The following ARFGEF2 variants were observed in gnomAD, a reference collection of about 807,000 sequenced individuals.
ARFGEF2 encodes brefeldin A-inhibited guanine nucleotide-exchange protein 2.
Under a neutral mutation model 219.9 loss-of-function variants are expected in ARFGEF2, and 74 were observed. The ratio of observed to expected loss-of-function variants is 0.34; its 90% confidence interval spans 0.28 to 0.41. ARFGEF2 has a LOEUF of 0.41. Among genes scored for constraint, ARFGEF2 ranks in the 10% least tolerant of loss-of-function variants. ARFGEF2 has a pLI of 1.00. For synonymous variants in ARFGEF2, 733 were observed against 799.2 expected, an observed-to-expected ratio of 0.92 and a Z score of 1.40; for missense variants, 1,743 against 2,218.3, an observed-to-expected ratio of 0.79 and a Z score of 4.30.
At chr20:48,974,160 C>CT (rs2091246321) in intron 12 of ARFGEF2, among the ~76,000 whole-genome samples, 1 of 116,482 alleles carries the variant, frequency 8.6e-6, no homozygotes, top group African/African-American at 3.4e-5. Context: ...GAATCTCACT[C>CT]TGTCACCCAG....
At chr20:49,020,482 G>A (rs1237928217) in intron 34 of ARFGEF2, among the ~76,000 whole-genome samples, 1 of 152,134 alleles carries the variant, frequency 6.6e-6, no homozygotes, top group Non-Finnish European at 1.5e-5. Flanking sequence ...GACATACTCT[G>A]TCTCCCAAGC....
chr20:48,961,863 A>C (rs539974635), intron 6 of ARFGEF2, among the ~76,000 whole-genome samples: 176 of 144,242 alleles, frequency 1.2e-3, no homozygotes, highest in African/African-American at 4.2e-3. Flanking sequence ...GACTCTCTCA[A>C]AAAAAAAAAA....
chr20:49,022,915 G>A, intron 34 of ARFGEF2, 136 bp from the exon 35 acceptor site: 1 of 1,206,076 alleles, frequency 8.3e-7, no homozygotes, highest in Non-Finnish European at 1.2e-6. Flanking sequence ...AGGAGTTCAG[G>A]ACCAGCCTGG....
intron 14 of ARFGEF2, among the ~76,000 whole-genome samples, chr20:48,979,919 TA>T (rs1003720449): frequency 3.3e-5 from 5 of 151,622 alleles, no homozygotes; most frequent in Non-Finnish European, 1.5e-5. Flanking sequence ...TGATCTTTTT[TA>T]AAAAAACAGC....
intron 34 of ARFGEF2, 119 bp downstream of exon 34, chr20:49,019,117 G>A (rs1478278085): frequency 2.4e-6 from 2 of 818,998 alleles, no homozygotes; most frequent in Non-Finnish European, 4.0e-6. Flanking sequence ...CAGTCTGCCA[G>A]TTCTCTGTAG....
intron 1 of ARFGEF2, among the ~76,000 whole-genome samples, chr20:48,933,889 G>A (rs895889508): frequency 6.6e-6 from 1 of 152,074 alleles, no homozygotes; most frequent in Admixed American, 6.6e-5. Context: ...GAAGGCTGAG[G>A]CGGGTGTGTC....
At chr20:48,990,603 T>A (rs1241368816) in intron 20 of ARFGEF2, among the ~76,000 whole-genome samples, 1 of 152,122 alleles carries the variant, frequency 6.6e-6, no homozygotes, top group Non-Finnish European at 1.5e-5. Flanking sequence ...ACCATCTAGG[T>A]TTCAAGACCC....
At chr20:48,991,233 G>A (rs1157911781) in intron 21 of ARFGEF2, 35 bp downstream of exon 21, 1 of 1,613,728 alleles carries the variant, frequency 6.2e-7, no homozygotes, top group Non-Finnish European at 8.5e-7. Flanking sequence ...TTCTCAGTTA[G>A]GATGACTCCT....
chr20:48,974,599 T>TC (rs1457978947), intron 12 of ARFGEF2, among the ~76,000 whole-genome samples, 167 bp from the exon 13 acceptor site: 1 of 152,210 alleles, frequency 6.6e-6, no homozygotes, highest in African/African-American at 2.4e-5. Flanking sequence ...TTTTGCAATG[T>TC]ATCCTTGATA....
intron 6 of ARFGEF2, 34 bp downstream of exon 6, chr20:48,953,824 G>A: frequency 6.3e-7 from 1 of 1,593,840 alleles, no homozygotes; most frequent in Non-Finnish European, 8.6e-7. Flanking sequence ...CTTTTTCCAA[G>A]TGTGAGAGGG....
intron 34 of ARFGEF2, among the ~76,000 whole-genome samples, chr20:49,019,438 C>G (rs569110728): frequency 6.6e-6 from 1 of 152,278 alleles, no homozygotes; most frequent in African/African-American, 2.4e-5. Context: ...ATACGATTGT[C>G]TATTATTCCA....
rs767312168 is a variant in ARFGEF2 at position 48,965,943 on chromosome 20, A to C, written c.979A>C (p.Ile327Leu). Residue 327 changes from isoleucine (I) to leucine (L), a missense_variant, in exon 8 of 39, where the codon ATT (isoleucine) becomes CTT (leucine). Transcript: ENST00000371917. The stretch of plus-strand genomic sequence containing the variant: ...TGAACTGGAGTGCCAGGAATGTGCT[A>C]TTCCCCCAGGAGTTGATGAAAACTC... The part of the protein sequence containing the change: ...LGELECQECA[I>L]PPGVDENSQT... 1 of 1,614,226 alleles carries C rather than the reference A, an allele frequency of 6.2e-7. No individual in the cohort carries two copies.
intron 6 of ARFGEF2, among the ~76,000 whole-genome samples, chr20:48,958,299 T>G (rs1222594742): frequency 6.6e-6 from 1 of 152,212 alleles, no homozygotes. Flanking sequence ...AACTGAGGCT[T>G]GGGGAGGTTA....
At chr20:48,950,827 T>A (rs1301197494) in intron 3 of ARFGEF2, among the ~76,000 whole-genome samples, 8 of 125,138 alleles carry the variant, frequency 6.4e-5, no homozygotes, top group South Asian at 2.5e-4. Context: ...TATATATATA[T>A]ATATATATAT....
intron 1 of ARFGEF2, among the ~76,000 whole-genome samples, chr20:48,939,248 C>G (rs1483453672): frequency 6.6e-6 from 1 of 152,096 alleles, no homozygotes; most frequent in Non-Finnish European, 1.5e-5. Context: ...GCTGGGATTA[C>G]AGGCATGAGC....
chr20:48,998,494 C>A lies in ARFGEF2; in HGVS notation c.3421C>A (p.His1141Asn). 1 of 1,611,708 alleles carries A rather than the reference C, an allele frequency of 6.2e-7. No homozygotes were observed. The highest frequency in any genetic ancestry group is 8.5e-7 in the Non-Finnish European group (1 of 1,179,220). ...WSRIWHVIGD[H>N]FNKVGCNPNE... The stretch of plus-strand genomic sequence containing the variant: ...TCGAATATGGCATGTGATTGGAGAT[C>A]ACTTCAATAAGGTAACTCTTCAAAT... The change falls in exon 25 of 39, where the codon CAC becomes AAC. Residue 1141 changes from histidine (H) to asparagine (N), a missense_variant. By Grantham distance (68) the His-to-Asn change is moderately conservative. Coordinates refer to ENST00000371917, the MANE Select transcript of ARFGEF2 (RefSeq NM_006420.3).
chr20:49,035,822 TAAC>T lies in ARFGEF2; in HGVS notation c.*2629_*2631del, dbSNP rs1340085424. 4.9e-6 allele frequency: 1 copy of T among 203,172 alleles called. No homozygotes were observed. The highest frequency in any genetic ancestry group is 9.8e-6 in the Non-Finnish European group (1 of 102,076). The allele number at this position is 203,172 out of a possible 1,614,324, so 12.6% of individuals were successfully genotyped here. A position where few individuals can be genotyped will look rare whatever the true frequency, so the allele number is the denominator to read the frequency against. On this transcript the variant is annotated 3_prime_UTR_variant, in exon 39 of 39. Transcript: ENST00000371917. ...AGGGAAATCACCAGCTTTGGCATCT[TAAC>T]AACAAACAGTGGATGGGTAATTTTT...
At position 48,936,682 on chromosome 20, in the gene ARFGEF2, G is replaced by A. The variant is rs532574173; in HGVS notation, c.122-4517G>A. On this transcript the variant is annotated intron_variant, in intron 1 of 38. Coordinates refer to ENST00000371917, the MANE Select transcript of ARFGEF2 (RefSeq NM_006420.3). ...TGGGACTACAGGCGTGCACCACCAC[G>A]CCCAGCTAATTTTTTTATATTTTTA... Among the ~76,000 whole-genome samples the A allele has an allele frequency of 2.6e-5, 4 of 152,168 alleles. No homozygotes were observed. The South Asian group carries it at 6.2e-4, about 24-fold the overall frequency.
chr20:48,953,718 G>A lies in ARFGEF2; in HGVS notation c.766G>A (p.Ala256Thr). Reference sequence around the variant, plus strand: ...AACAGATTTAACCAACGGTGAACATGCCAGGAGTGATTCTGGAAAAGTAAG... The same window carrying A: ...AACAGATTTAACCAACGGTGAACATACCAGGAGTGATTCTGGAAAAGTAAG... ...EKTDLTNGEH[A>T]RSDSGKVSTE... Residue 256 changes from alanine (A) to threonine (T), a missense_variant, in exon 6 of 39, where the codon GCC becomes ACC. By Grantham distance (58) the Ala-to-Thr change is moderately conservative (BLOSUM62 0). This residue lies in a region of ARFGEF2 where 394 missense variants were observed against 426.6 expected (regional missense o/e 0.92). Coordinates refer to ENST00000371917, the MANE Select transcript of ARFGEF2 (RefSeq NM_006420.3). The A allele has an allele frequency of 1.9e-6, 3 of 1,614,198 alleles. No homozygotes were observed. Among genetic ancestry groups the A allele is most frequent in the East Asian group, 2.2e-5 (1 of 44,888 alleles).
Sources: gnomAD v4.1 joint callset for allele counts (sites outside exome capture counted in the v4.1 genomes callset) on GRCh38, gnomAD v4.1.1 for gene constraint, gnomAD v4.1.1 regional missense constraint, MANE v1.5 for transcripts, NCBI Gene and HGNC (gene_info 2026-07-23, HGNC 2026-07-21) for gene names.